Variants in RSBN1L observed in about 807,000 individuals in gnomAD.
The protein encoded by RSBN1L is lysine-specific demethylase RSBN1L.
Under a neutral mutation model 67.7 loss-of-function variants are expected in RSBN1L, and 30 were observed. The observed-to-expected ratio is 0.44, with a 90% CI of 0.33 to 0.60. RSBN1L has a LOEUF of 0.60. RSBN1L is among the 20% of genes least tolerant of loss of function. RSBN1L has a pLI of 0.02. For missense variants in RSBN1L, 992 were observed against 1,031.7 expected (o/e 0.96, Z 0.53); for synonymous variants, 433 against 387.0 (o/e 1.12, Z -1.39).
At chr7:77,737,096 G>T (rs948716677) in intron 2 of RSBN1L, among the ~76,000 whole-genome samples, 1 of 151,770 alleles carries the variant, frequency 6.6e-6, no homozygotes, top group Non-Finnish European at 1.5e-5. Context: ...AAGAATTTGG[G>T]GGGTAGGTGG....
At chr7:77,763,496 G>A (rs1235128900) in intron 3 of RSBN1L, among the ~76,000 whole-genome samples, 2 of 152,122 alleles carry the variant, frequency 1.3e-5, no homozygotes, top group Non-Finnish European at 2.9e-5. Context: ...TAGCTTCTTT[G>A]ATAGACTGCA....
At position 77,778,757 on chromosome 7, in the gene RSBN1L, A is replaced by G. The variant is rs545669360; in HGVS notation, c.2130A>G (p.Thr710=). 2 of 1,614,192 alleles carry G rather than the reference A, an allele frequency of 1.2e-6. No homozygotes were observed. The highest frequency in any genetic ancestry group is 1.7e-5 in the Admixed American group (1 of 60,030). The part of the protein sequence containing the change: ...SQNTATHETG[T]SSDSTSSVLG... ...ATACAGCTACTCATGAAACAGGCACATCATCAGATTCCACATCATCTGTTC... is the reference window on the plus strand; with the variant it reads ...ATACAGCTACTCATGAAACAGGCACGTCATCAGATTCCACATCATCTGTTC... The change falls in exon 8 of 8, where the codon ACA becomes ACG. Residue 710 remains threonine, a synonymous_variant. Transcript: ENST00000334955.
intron 3 of RSBN1L, among the ~76,000 whole-genome samples, chr7:77,755,750 T>G (rs1364969123): frequency 6.6e-6 from 1 of 152,170 alleles, no homozygotes; most frequent in African/African-American, 2.4e-5. Context: ...CCATCTTAAG[T>G]CCTGATGCCG....
At chr7:77,731,848 T>C in intron 1 of RSBN1L, among the ~76,000 whole-genome samples, 1 of 151,908 alleles carries the variant, frequency 6.6e-6, no homozygotes, top group African/African-American at 2.4e-5. Context: ...GTTTAGACTT[T>C]TTTTTTTTTG....
intron 6 of RSBN1L, among the ~76,000 whole-genome samples, chr7:77,777,702 T>A (rs1001210437): frequency 1.3e-5 from 2 of 152,082 alleles, no homozygotes; most frequent in African/African-American, 4.8e-5. Context: ...TGATTTTCTT[T>A]ATGTTGTTTG....
Position 77,716,307 on chromosome 7 carries a change from T to TTTTTG in RSBN1L, c.586+19267_586+19271dup, listed in dbSNP as rs565312101. 9.2e-5 allele frequency among the ~76,000 whole-genome samples: 14 copies of TTTTTG among 152,178 alleles called. 1 individual carries two copies. Among genetic ancestry groups the TTTTTG allele is most frequent in the South Asian group, 2.1e-4 (1 of 4,822 alleles). On this transcript the variant is annotated intron_variant, in intron 1 of 7. Transcript: ENST00000334955. ...ATTCCCTTTGTCTTTTTCTTTGTTT[T>TTTTTG]TTTTGTTTTGTTTTGTTTTTGTTTT...
intron 2 of RSBN1L, among the ~76,000 whole-genome samples, chr7:77,739,073 G>A (rs1471148569): frequency 6.6e-6 from 1 of 152,184 alleles, no homozygotes; most frequent in Non-Finnish European, 1.5e-5. Flanking sequence ...AGCACTGAGT[G>A]TTATCTGTTG....
chr7:77,745,310 A>G (rs796668006), intron 2 of RSBN1L, among the ~76,000 whole-genome samples: 35 of 152,228 alleles, frequency 2.3e-4, no homozygotes, highest in African/African-American at 8.2e-4. Flanking sequence ...GGAAAAAACT[A>G]TAAGCCTCAG....
chr7:77,773,164 A>G lies in RSBN1L; in HGVS notation c.1643A>G (p.Lys548Arg), dbSNP rs1791869560. ...AAAAACAGAACTACCAATGAAATAA[A>G]AAATCTTCAGTACCTACCTCGAACA... ...FKRKRTTNEI[K>R]NLQYLPRTSE... Residue 548 changes from lysine (K) to arginine (R), a missense_variant, in exon 6 of 8, where the codon AAA becomes AGA. Around this residue, in one of 7 missense-constraint regions of RSBN1L, gnomAD observed 67 missense variants for 130.5 expected, o/e 0.51. Transcript: ENST00000334955. The G allele has an allele frequency of 6.3e-7, 1 of 1,586,634 alleles. No individual in the cohort carries two copies. Among genetic ancestry groups the G allele is most frequent in the Non-Finnish European group, 8.5e-7 (1 of 1,170,396 alleles).
At chr7:77,700,852 G>T (rs564181727) in intron 1 of RSBN1L, among the ~76,000 whole-genome samples, 1 of 152,080 alleles carries the variant, frequency 6.6e-6, no homozygotes, top group Admixed American at 6.5e-5. Flanking sequence ...CATTCCATTT[G>T]TTCCTGTAGA....
At chr7:77,722,532 G>C (rs1350477174) in intron 1 of RSBN1L, among the ~76,000 whole-genome samples, 1 of 152,152 alleles carries the variant, frequency 6.6e-6, no homozygotes, top group African/African-American at 2.4e-5. Context: ...GTGTTAGCGA[G>C]GGGCTGTGAT....
At chr7:77,699,866 G>T (rs544553960) in intron 1 of RSBN1L, among the ~76,000 whole-genome samples, 1 of 150,822 alleles carries the variant, frequency 6.6e-6, no homozygotes, top group African/African-American at 2.4e-5. Flanking sequence ...GCGCGATCTC[G>T]GCTCGCTGCA....
chr7:77,777,348 A>G (rs1791931497), intron 6 of RSBN1L, among the ~76,000 whole-genome samples: 1 of 151,772 alleles, frequency 6.6e-6, no homozygotes, highest in South Asian at 2.1e-4. Flanking sequence ...ATTCCTTTTC[A>G]TAGATCTACA....
At chr7:77,756,845 G>C (rs1286309174) in intron 3 of RSBN1L, among the ~76,000 whole-genome samples, 1 of 151,958 alleles carries the variant, frequency 6.6e-6, no homozygotes, top group Admixed American at 6.6e-5. Flanking sequence ...ATTTTTAATC[G>C]ATAAAAGAGT....
intron 1 of RSBN1L, among the ~76,000 whole-genome samples, chr7:77,699,946 G>A (rs957578962): frequency 1.3e-5 from 2 of 151,944 alleles, no homozygotes; most frequent in African/African-American, 2.4e-5. Flanking sequence ...ATAGGCACTC[G>A]CCAACACGCC....
intron 5 of RSBN1L, among the ~76,000 whole-genome samples, chr7:77,769,080 A>G (rs1419696380): frequency 6.6e-6 from 1 of 152,250 alleles, no homozygotes; most frequent in African/African-American, 2.4e-5. Flanking sequence ...TTCAGAACCT[A>G]TACTAAGAAG....
At chr7:77,733,371 T>G (rs1791295011) in intron 1 of RSBN1L, among the ~76,000 whole-genome samples, 1 of 152,206 alleles carries the variant, frequency 6.6e-6, no homozygotes, top group African/African-American at 2.4e-5. Flanking sequence ...GCAATTACGT[T>G]GTCTATAACT....
chr7:77,762,663 A>C (rs6972784), intron 3 of RSBN1L, among the ~76,000 whole-genome samples: 18,858 of 152,022 alleles, frequency 0.12, 1,238 homozygotes, highest in African/African-American at 0.16. Flanking sequence ...TAATATTACC[A>C]CCCAAGTTTT....
In RSBN1L at chr7:77,782,694, A is replaced by G. The variant is rs1792014748; in HGVS notation, c.*3526A>G. 1 of 152,004 alleles carries G rather than the reference A, an allele frequency of 6.6e-6. No homozygotes were observed. The highest frequency in any genetic ancestry group is 2.4e-5 in the African/African-American group (1 of 41,404). The allele number at this position is 152,004 out of a possible 1,614,324, so 9.4% of individuals were successfully genotyped here. A position where few individuals can be genotyped will look rare whatever the true frequency, so the allele number is the denominator to read the frequency against. ...TTGTTTCCGCATATATTCATTTTTA[A>G]TGCATTCTGTAACTTTTCTCGAGTG... On this transcript the variant is annotated 3_prime_UTR_variant, in exon 8 of 8. Transcript: ENST00000334955.
Sources: gnomAD v4.1 joint callset for allele counts (sites outside exome capture counted in the v4.1 genomes callset) on GRCh38, gnomAD v4.1.1 for gene constraint, gnomAD v4.1.1 regional missense constraint, MANE v1.5 for transcripts, NCBI Gene and HGNC (gene_info 2026-07-23, HGNC 2026-07-21) for gene names.